The following ZNF600 variants were observed in gnomAD, a reference collection of about 807,000 sequenced individuals.
The protein encoded by ZNF600 is zinc finger protein KR-ZNF1.
ZNF600 carries 4 observed loss-of-function variants against 7.3 expected under a neutral mutation model. The observed-to-expected ratio is 0.55, with a 90% CI of 0.27 to 1.25. The LOEUF (loss-of-function observed/expected upper bound fraction) is 1.25. ZNF600 is among the 50% of genes most tolerant of loss of function. The pLI, the probability that ZNF600 is intolerant of heterozygous loss-of-function variation, is 0.12. For synonymous variants in ZNF600, 290 were observed against 308.9 expected, an observed-to-expected ratio of 0.94 and a Z score of 0.64; for missense variants, 911 against 922.1, an observed-to-expected ratio of 0.99 and a Z score of 0.16.
chr19:52,810,814 AT>A, the ZNF600 span: 4 of 335,824 alleles, frequency 1.2e-5, no homozygotes, highest in African/African-American at 2.7e-5. Flanking sequence ...ATGGAAAAAA[AT>A]ATATATATAT....
At chr19:52,787,051 G>A (rs891033024), upstream of ZNF600, among the ~76,000 whole-genome samples, 1 of 152,266 alleles carries the variant, frequency 6.6e-6, no homozygotes, top group Non-Finnish European at 1.5e-5. Flanking sequence ...CTGCCAGGGC[G>A]GAACATACGA....
chr19:52,827,608 G>A, the ZNF600 span, among the ~76,000 whole-genome samples: 1 of 151,090 alleles, frequency 6.6e-6, no homozygotes, highest in Non-Finnish European at 1.5e-5. Context: ...GGAGTCTTGC[G>A]GTGTCTGCTC....
chr19:52,815,721 A>G, the ZNF600 span, among the ~76,000 whole-genome samples: 1 of 145,862 alleles, frequency 6.9e-6, no homozygotes, highest in South Asian at 2.3e-4. Context: ...GCTACTCGGG[A>G]GGCTGAGGCA....
the ZNF600 span, chr19:52,809,944 CG>C: frequency 1.8e-5 from 15 of 850,360 alleles, no homozygotes; most frequent in Non-Finnish European, 2.7e-5. Flanking sequence ...GAGGTTGCCC[CG>C]GGGGGCGCAG....
At chr19:52,774,306 G>A (rs545215543) in intron 3 of ZNF600, among the ~76,000 whole-genome samples, 42 of 152,010 alleles carry the variant, frequency 2.8e-4, no homozygotes, top group African/African-American at 9.4e-4. Context: ...GCACATGCCT[G>A]TAATCCCAGC....
chr19:52,830,856 A>C, the ZNF600 span, among the ~76,000 whole-genome samples: 1 of 143,542 alleles, frequency 7.0e-6, no homozygotes, highest in Non-Finnish European at 1.5e-5. Flanking sequence ...GTAGGAGTGA[A>C]CTTTGTGCAT....
At chr19:52,783,613 G>A (rs922953663) in intron 1 of ZNF600, among the ~76,000 whole-genome samples, 4 of 152,016 alleles carry the variant, frequency 2.6e-5, no homozygotes, top group African/African-American at 7.2e-5. Context: ...CGCCCGCCTC[G>A]GCCTCCCAAA....
the ZNF600 span, chr19:52,814,544 A>C: frequency 1.4e-5 from 2 of 146,242 alleles, no homozygotes; most frequent in Non-Finnish European, 1.5e-5. Context: ...CAGTGATCCG[A>C]CATCACACCA....
At chr19:52,778,695 G>A (rs573558103) in intron 2 of ZNF600, 131 bp downstream of exon 4, 9 of 1,259,266 alleles carry the variant, frequency 7.1e-6, no homozygotes, top group Non-Finnish European at 7.6e-6. Context: ...AGGAACTAAG[G>A]GCAGGCATGG....
the ZNF600 span, chr19:52,809,922 G>A: frequency 1.2e-6 from 1 of 843,546 alleles, no homozygotes. Context: ...CGGGGCCGGT[G>A]GGGAGGCCGG....
chr19:52,832,144 C>T, the ZNF600 span, among the ~76,000 whole-genome samples: 67 of 151,724 alleles, frequency 4.4e-4, no homozygotes, highest in African/African-American at 1.2e-3. Context: ...ATCCAGGAAG[C>T]GGAGGCTACA....
At chr19:52,799,973 G>A in the ZNF600 span, 1 of 1,611,126 alleles carries the variant, frequency 6.2e-7, no homozygotes, top group African/African-American at 1.3e-5. Context: ...GCCTACGATG[G>A]ATTATAAGCG....
exon 4 of ZNF600, chr19:52,767,367 C>G: frequency 3.1e-6 from 5 of 1,613,988 alleles, no homozygotes; most frequent in Non-Finnish European, 4.2e-6. Flanking sequence ...GATTTGGGGC[C>G]TAGGAGAAAT....
chr19:52,831,787 T>A, the ZNF600 span, among the ~76,000 whole-genome samples: 7 of 151,936 alleles, frequency 4.6e-5, no homozygotes, highest in African/African-American at 1.7e-4. Flanking sequence ...TACAGGCATG[T>A]GCCACTGCTC....
exon 4 of ZNF600, chr19:52,765,370 G>A: frequency 3.7e-6 from 3 of 811,066 alleles, no homozygotes. Flanking sequence ...ATTCTCCTAT[G>A]TTTTGCATAG....
At chr19:52,801,508 T>G in the ZNF600 span, 1 of 1,614,132 alleles carries the variant, frequency 6.2e-7, no homozygotes, top group South Asian at 1.1e-5. Flanking sequence ...ATTTCTGTCA[T>G]GGGTGCTGCA....
rs557204086 is a variant in ZNF600 at position 52,765,405 on chromosome 19, CCA to C, written c.*180_*181del. Reference sequence around the variant, plus strand: ...GGATGAAGCTTGACTGAAGACCTTGCCACAGTCATGACATTTGTAAGGTTTCT... The same window carrying C: ...GGATGAAGCTTGACTGAAGACCTTGCCAGTCATGACATTTGTAAGGTTTCT... On this transcript the variant is annotated 3_prime_UTR_variant, in exon 4 of 4. Coordinates refer to ENST00000648973, the Ensembl canonical transcript of ZNF600. The C allele has an allele frequency of 6.4e-4, 639 of 1,003,514 alleles. 6 individuals are homozygous for C. The South Asian group carries it at 8.2e-3, about 13-fold the overall frequency. 62.2% of individuals were successfully genotyped at this position (1,003,514 alleles called of 1,614,324 possible).
At chr19:52,825,270 G>C in the ZNF600 span, among the ~76,000 whole-genome samples, 41 of 152,238 alleles carry the variant, frequency 2.7e-4, no homozygotes, top group African/African-American at 8.4e-4. Flanking sequence ...AAGGACTCAC[G>C]TGTCTTCATT....
At chr19:52,801,819 C>T in the ZNF600 span, 4 of 1,006,898 alleles carry the variant, frequency 4.0e-6, no homozygotes, top group African/African-American at 1.6e-5. Context: ...ACATGATCTT[C>T]AAAGTTTAAG....
Sources: gnomAD v4.1 joint callset for allele counts (sites outside exome capture counted in the v4.1 genomes callset) on GRCh38, gnomAD v4.1.1 for gene constraint, MANE v1.5 for transcripts, NCBI Gene and HGNC (gene_info 2026-07-23, HGNC 2026-07-21) for gene names.